Variants in MYRIP observed in about 807,000 individuals in gnomAD.
The protein encoded by MYRIP is myosin VIIA and Rab interacting protein.
MYRIP carries 49 observed loss-of-function variants against 98.0 expected under a neutral mutation model. That is an observed-to-expected ratio of 0.50 (90% confidence interval 0.40 to 0.63). The LOEUF is 0.63. Among genes scored for constraint, MYRIP ranks in the 30% least tolerant of loss-of-function variants. The pLI is 0.00. For synonymous variants in MYRIP, 404 were observed against 409.5 expected, an observed-to-expected ratio of 0.99 and a Z score of 0.16; for missense variants, 1,004 against 1,058.2, an observed-to-expected ratio of 0.95 and a Z score of 0.71.
intron 1 of MYRIP, among the ~76,000 whole-genome samples, chr3:39,837,872 C>T (rs773491532): frequency 1.2e-4 from 18 of 152,038 alleles, no homozygotes; most frequent in South Asian, 2.1e-4. Context: ...TCCATTTGTT[C>T]GTGTCCTCTC....
At chr3:40,255,521 G>A (rs998886214) in intron 16 of MYRIP, among the ~76,000 whole-genome samples, 1 of 151,988 alleles carries the variant, frequency 6.6e-6, no homozygotes, top group African/African-American at 2.4e-5. Flanking sequence ...AAAAACGAAA[G>A]AACAGACAAT....
intron 1 of MYRIP, among the ~76,000 whole-genome samples, chr3:39,844,814 G>A (rs906532903): frequency 6.6e-6 from 1 of 152,134 alleles, no homozygotes; most frequent in African/African-American, 2.4e-5. Flanking sequence ...AAGGTCCAGC[G>A]TAGCATCTCT....
chr3:40,141,346 A>G (rs1949890459), intron 3 of MYRIP, among the ~76,000 whole-genome samples: 1 of 152,154 alleles, frequency 6.6e-6, no homozygotes, highest in African/African-American at 2.4e-5. Flanking sequence ...TATTCTGAAT[A>G]TTAGCTCATT....
chr3:40,134,095 A>T (rs1670048879), intron 3 of MYRIP, among the ~76,000 whole-genome samples: 1 of 152,198 alleles, frequency 6.6e-6, no homozygotes, highest in African/African-American at 2.4e-5. Context: ...GCATTGCCAC[A>T]CCCGGGAAGC....
intron 2 of MYRIP, among the ~76,000 whole-genome samples, chr3:39,994,854 A>G (rs1297592953): frequency 6.6e-6 from 1 of 152,180 alleles, no homozygotes; most frequent in East Asian, 1.9e-4. Context: ...CAGAGGAACA[A>G]TTAGGCAGCA....
intron 4 of MYRIP, among the ~76,000 whole-genome samples, chr3:40,158,513 T>C (rs181048438): frequency 0.11 from 16,181 of 151,474 alleles, 1,812 homozygotes; most frequent in African/African-American, 0.29. Flanking sequence ...CTATTAGGTG[T>C]GCTTGGTGCA....
At chr3:39,916,320 A>G (rs1404013802) in intron 2 of MYRIP, among the ~76,000 whole-genome samples, 2 of 152,008 alleles carry the variant, frequency 1.3e-5, no homozygotes, top group Non-Finnish European at 2.9e-5. Flanking sequence ...GCTCAATTCA[A>G]GATGATACAA....
chr3:39,962,766 G>A (rs1212932578), intron 2 of MYRIP, among the ~76,000 whole-genome samples: 3 of 152,036 alleles, frequency 2.0e-5, no homozygotes, highest in African/African-American at 7.2e-5. Flanking sequence ...CTAAGTTACT[G>A]AGTGTGGGCT....
intron 11 of MYRIP, among the ~76,000 whole-genome samples, chr3:40,217,418 A>G (rs1680937377): frequency 6.6e-6 from 1 of 152,170 alleles, no homozygotes; most frequent in African/African-American, 2.4e-5. Flanking sequence ...TAATAATATT[A>G]ATTTTAGGAT....
intron 2 of MYRIP, among the ~76,000 whole-genome samples, chr3:39,948,950 T>C (rs1206180884): frequency 1.3e-5 from 2 of 152,076 alleles, no homozygotes; most frequent in East Asian, 3.9e-4. Flanking sequence ...AGACAGATAC[T>C]TGATTGTCAG....
At chr3:40,166,154 T>A (rs1180047204) in intron 5 of MYRIP, among the ~76,000 whole-genome samples, 2 of 152,194 alleles carry the variant, frequency 1.3e-5, no homozygotes, top group Non-Finnish European at 2.9e-5. Context: ...CAAAAAATTA[T>A]ACCATAGAGT....
chr3:40,209,997 G>C lies in MYRIP; in HGVS notation c.1809G>C (p.Glu603Asp). 1 of 1,614,096 alleles carries C rather than the reference G, an allele frequency of 6.2e-7. No homozygotes were observed. Among genetic ancestry groups the C allele is most frequent in the East Asian group, 2.2e-5 (1 of 44,878 alleles). The stretch of plus-strand genomic sequence containing the variant: ...GTGAAAAGGAGACTTCTTCAGGGGA[G>C]GATCAGGAGTCTGAGCCCAAGACAG... ...KMSEKETSSG[E>D]DQESEPKTES... The change falls in exon 11 of 17, where the codon GAG (glutamate) becomes GAC (aspartate). Residue 603 changes from glutamate to aspartate, a missense_variant. Physicochemically the swap from Glu to Asp is conservative, Grantham distance 45 (BLOSUM62 2). Around this residue, in one of 3 missense-constraint regions of MYRIP, gnomAD observed 880 missense variants for 907.7 expected, o/e 0.97. Transcript: ENST00000302541.
intron 3 of MYRIP, among the ~76,000 whole-genome samples, chr3:40,141,603 T>A (rs756365919): frequency 4.6e-5 from 7 of 152,246 alleles, no homozygotes; most frequent in Non-Finnish European, 8.8e-5. Context: ...CATTGATCCC[T>A]TTTGAGATGA....
intron 3 of MYRIP, among the ~76,000 whole-genome samples, chr3:40,130,914 A>T (rs1190444764): frequency 6.6e-6 from 1 of 152,114 alleles, no homozygotes; most frequent in East Asian, 1.9e-4. Context: ...CAAGCCCAGA[A>T]ACATCATTTC....
chr3:40,173,270 C>T (rs752643036), intron 8 of MYRIP: 11 of 152,238 alleles, frequency 7.2e-5, no homozygotes, highest in African/African-American at 1.2e-4. Flanking sequence ...CCCCAAGCCA[C>T]TGGAACTAAG....
chr3:39,879,766 G>A (rs920509846), intron 1 of MYRIP, among the ~76,000 whole-genome samples: 4 of 152,080 alleles, frequency 2.6e-5, no homozygotes, highest in African/African-American at 7.2e-5. Context: ...GATTTTTCAC[G>A]GTTCACTGGC....
At chr3:40,025,243 A>G (rs956195839) in intron 2 of MYRIP, among the ~76,000 whole-genome samples, 1 of 152,168 alleles carries the variant, frequency 6.6e-6, no homozygotes, top group Non-Finnish European at 1.5e-5. Context: ...CTCCATTTAT[A>G]ACTGGTAACC....
Position 40,044,178 on chromosome 3 carries a change from A to G in MYRIP, c.239A>G (p.Gln80Arg). Residue 80 changes from glutamine (Q) to arginine (R), a missense_variant, in exon 3 of 17, where the codon CAG becomes CGG. This residue lies in a region of MYRIP where 880 missense variants were observed against 907.7 expected (regional missense o/e 0.97). Transcript: ENST00000302541. ...ACCTTCCTCGTCAACACCAAGCGCC[A>G]GTGTGGAGATTGCAAATTCAATGTC... The part of the protein sequence containing the change: ...PFTFLVNTKR[Q>R]CGDCKFNVCK... 1 of 1,614,168 alleles carries G rather than the reference A, an allele frequency of 6.2e-7. No individual in the cohort carries two copies. The highest frequency in any genetic ancestry group is 8.5e-7 in the Non-Finnish European group (1 of 1,180,010).
chr3:39,939,355 T>A (rs879823219), intron 2 of MYRIP, among the ~76,000 whole-genome samples: 21 of 152,284 alleles, frequency 1.4e-4, no homozygotes, highest in Admixed American at 2.6e-4. Flanking sequence ...ATCTGGCTCT[T>A]TCTGTAGCTC....
Sources: gnomAD v4.1 joint callset for allele counts (sites outside exome capture counted in the v4.1 genomes callset) on GRCh38, gnomAD v4.1.1 for gene constraint, gnomAD v4.1.1 regional missense constraint, MANE v1.5 for transcripts, NCBI Gene and HGNC (gene_info 2026-07-23, HGNC 2026-07-21) for gene names.